SNX9: variants seen among roughly 807,000 people sequenced by gnomAD.
The protein encoded by SNX9 is sorting nexin-9.
SNX9 carries 44 observed loss-of-function variants against 89.4 expected under a neutral mutation model. The ratio of observed to expected loss-of-function variants is 0.49; its 90% confidence interval spans 0.39 to 0.63. The LOEUF (loss-of-function observed/expected upper bound fraction) is 0.63. Ranked by LOEUF, SNX9 falls within the 30% of genes least tolerant of loss-of-function variation. SNX9 has a pLI of 0.00. For missense variants in SNX9, 578 were observed against 736.1 expected, an observed-to-expected ratio of 0.79 and a Z score of 2.49; for synonymous variants, 236 against 247.8, an observed-to-expected ratio of 0.95 and a Z score of 0.45.
intron 1 of SNX9, chr6:157,829,087 T>G (rs1229722917): frequency 6.7e-6 from 1 of 150,242 alleles, no homozygotes; most frequent in Non-Finnish European, 1.5e-5. Context: ...TGTTTTAGTG[T>G]ATTTGTTAAA....
chr6:157,861,372 GCT>G (rs1782117624), intron 1 of SNX9, among the ~76,000 whole-genome samples: 1 of 152,184 alleles, frequency 6.6e-6, no homozygotes, highest in Non-Finnish European at 1.5e-5. Flanking sequence ...ATCTGGTGCA[GCT>G]GACTTGGCCC....
At chr6:157,833,005 T>C (rs1781504881) in intron 1 of SNX9, among the ~76,000 whole-genome samples, 1 of 152,230 alleles carries the variant, frequency 6.6e-6, no homozygotes, top group African/African-American at 2.4e-5. Flanking sequence ...AGCAGACATT[T>C]CAGTAGCTAT....
At chr6:157,889,388 A>T (rs945955465) in intron 4 of SNX9, among the ~76,000 whole-genome samples, 2 of 146,326 alleles carry the variant, frequency 1.4e-5, no homozygotes, top group Admixed American at 7.0e-5. Context: ...CCGAGATCAC[A>T]CCACTGTACT....
intron 4 of SNX9, among the ~76,000 whole-genome samples, chr6:157,893,701 G>A (rs60345349): frequency 0.03 from 4,562 of 152,070 alleles, 221 homozygotes; most frequent in African/African-American, 0.1. Flanking sequence ...CTGAAATATT[G>A]TGGAGTGAAA....
chr6:157,836,299 G>C (rs760217762), intron 1 of SNX9, among the ~76,000 whole-genome samples: 1 of 152,122 alleles, frequency 6.6e-6, no homozygotes, highest in Non-Finnish European at 1.5e-5. Context: ...GTGATAGATA[G>C]TGATTCTCTA....
intron 1 of SNX9, among the ~76,000 whole-genome samples, chr6:157,831,911 AAG>A (rs1161566989): frequency 6.6e-6 from 1 of 152,192 alleles, no homozygotes; most frequent in Non-Finnish European, 1.5e-5. Flanking sequence ...ATGTGCATGA[AAG>A]TGTTAATCTG....
rs767680839 is a variant in SNX9, at chr6:157,927,192, C to T, written c.1162C>T (p.Pro388Ser). 5.0e-6 allele frequency: 8 copies of T among 1,613,384 alleles called. No individual in the cohort carries two copies. The African/African-American group carries it at 6.7e-5, about 13-fold the overall frequency. ...ATTTTCCACCATGGAACCAGAGGCA[C>T]CTGACTTGGACTTAGTAGAAATGTG... ...MIFSTMEPEA[P>S]DLDLVEIEQK... is the part of the protein sequence containing the mutation. Residue 388 changes from proline to serine, a missense_variant, in exon 11 of 18, where the codon CCT (proline) becomes TCT (serine). Around this residue, in one of 2 missense-constraint regions of SNX9, gnomAD observed 348 missense variants for 491.4 expected, o/e 0.71. Coordinates refer to ENST00000392185, the MANE Select transcript of SNX9 (RefSeq NM_016224.5).
intron 1 of SNX9, among the ~76,000 whole-genome samples, chr6:157,863,760 G>T (rs1440047442): frequency 6.6e-6 from 1 of 152,206 alleles, no homozygotes; most frequent in Non-Finnish European, 1.5e-5. Flanking sequence ...GAGGCAAAAT[G>T]CAAGGATAGG....
chr6:157,893,008 G>A (rs914908342), intron 4 of SNX9, among the ~76,000 whole-genome samples: 2 of 152,190 alleles, frequency 1.3e-5, no homozygotes, highest in African/African-American at 4.8e-5. Context: ...GGCTGAGGCT[G>A]CTGTACCAAT....
intron 9 of SNX9, among the ~76,000 whole-genome samples, chr6:157,919,078 G>A (rs764875357): frequency 6.6e-6 from 1 of 152,110 alleles, no homozygotes; most frequent in Non-Finnish European, 1.5e-5. Flanking sequence ...GCAGATTCAA[G>A]TCACCATCTT....
chr6:157,883,055 G>A (rs909375123), intron 4 of SNX9, among the ~76,000 whole-genome samples: 2 of 152,048 alleles, frequency 1.3e-5, no homozygotes, highest in East Asian at 1.9e-4. Context: ...TTAAGAAGTT[G>A]CCACAGCCAC....
At chr6:157,915,885 G>A (rs116527604) in intron 9 of SNX9, among the ~76,000 whole-genome samples, 3,776 of 149,002 alleles carry the variant, frequency 0.025, 115 homozygotes, top group African/African-American at 0.069. Context: ...AAATGGTACT[G>A]TTTTTTAAAT....
chr6:157,878,325 G>A (rs1199935971), intron 4 of SNX9, among the ~76,000 whole-genome samples: 1 of 152,170 alleles, frequency 6.6e-6, no homozygotes, highest in Non-Finnish European at 1.5e-5. Context: ...TTCTTTAAAT[G>A]GACTGAAACA....
chr6:157,836,728 C>G (rs1434314357), intron 1 of SNX9, among the ~76,000 whole-genome samples: 1 of 152,032 alleles, frequency 6.6e-6, no homozygotes, highest in Admixed American at 6.6e-5. Context: ...GTAGCTGGGA[C>G]TACAGGCACC....
In SNX9 at chr6:157,936,022, C is replaced by G; in HGVS notation, c.1425C>G (p.Ala475=). Residue 475 remains alanine, a synonymous_variant, in exon 14 of 18, where the codon GCC becomes GCG. Coordinates refer to ENST00000392185, the MANE Select transcript of SNX9 (RefSeq NM_016224.5). ...TEAGKTYEEI[A]SLVAEQPKKD... is the part of the protein sequence containing the mutation. ...CAGGAAAGACTTATGAAGAAATTGC[C>G]AGTCTCGTGGCAGAACAGGTACTAA... The G allele has an allele frequency of 6.2e-7, 1 of 1,612,154 alleles. No individual in the cohort carries two copies. Among genetic ancestry groups the G allele is most frequent in the Admixed American group, 1.7e-5 (1 of 59,870 alleles).
At chr6:157,861,730 T>C (rs1782128365) in intron 1 of SNX9, among the ~76,000 whole-genome samples, 1 of 152,190 alleles carries the variant, frequency 6.6e-6, no homozygotes, top group African/African-American at 2.4e-5. Flanking sequence ...CCAAACCTTA[T>C]GTGTGTACTA....
intron 1 of SNX9, among the ~76,000 whole-genome samples, chr6:157,832,247 A>T (rs1381617036): frequency 6.6e-6 from 1 of 152,208 alleles, no homozygotes; most frequent in Non-Finnish European, 1.5e-5. Context: ...CAGACACTTA[A>T]CTTTAGGGAT....
intron 5 of SNX9, among the ~76,000 whole-genome samples, chr6:157,899,886 T>C (rs1783057519): frequency 6.8e-6 from 1 of 147,624 alleles, no homozygotes; most frequent in African/African-American, 2.6e-5. Context: ...CTCACATGAT[T>C]ACCTAAGTGT....
At chr6:157,859,562 TTC>T (rs1782077359) in intron 1 of SNX9, among the ~76,000 whole-genome samples, 1 of 152,240 alleles carries the variant, frequency 6.6e-6, no homozygotes, top group Non-Finnish European at 1.5e-5. Flanking sequence ...GAGTGATTTA[TTC>T]TGTTTGTGAA....
Sources: gnomAD v4.1 joint callset for allele counts (sites outside exome capture counted in the v4.1 genomes callset) on GRCh38, gnomAD v4.1.1 for gene constraint, gnomAD v4.1.1 regional missense constraint, MANE v1.5 for transcripts, NCBI Gene and HGNC (gene_info 2026-07-23, HGNC 2026-07-21) for gene names.